ALPK1: variants seen among roughly 807,000 people sequenced by gnomAD.
ALPK1 encodes the protein alpha kinase 1, also known as alpha-protein kinase 1.
Under a neutral mutation model 120.6 loss-of-function variants are expected in ALPK1, and 110 were observed. The observed-to-expected ratio is 0.91, with a 90% CI of 0.78 to 1.07. The LOEUF (loss-of-function observed/expected upper bound fraction) is 1.07, where lower values mean the gene tolerates loss of function less well. ALPK1 is among the 50% of genes least tolerant of loss of function. ALPK1 has a pLI of 0.00. For missense variants in ALPK1, 1,498 were observed against 1,483.9 expected (o/e 1.01, Z -0.16); for synonymous variants, 582 against 560.3 (o/e 1.04, Z -0.55).
At chr4:112,397,332 T>G (rs1732695324) in intron 4 of ALPK1, among the ~76,000 whole-genome samples, 1 of 152,224 alleles carries the variant, frequency 6.6e-6, no homozygotes, top group South Asian at 2.1e-4. Context: ...TTTTATGTAT[T>G]CTGTATGTGA....
At position 112,438,604 on chromosome 4, in the gene ALPK1, C is replaced by T. The variant is rs1560691292; in HGVS notation, c.3309C>T (p.Asn1103=). ...TEFNKRLYEQ[N]IPTQIFYIPS... is the part of the protein sequence containing the mutation. Reference sequence around the variant, plus strand: ...TTAACAAGAGACTCTATGAACAAAACATTCCCACCCAGATATTCTACATCC... The same window carrying T: ...TTAACAAGAGACTCTATGAACAAAATATTCCCACCCAGATATTCTACATCC... The change falls in exon 13 of 16, where the codon AAC becomes AAT. Residue 1103 remains asparagine (N), a synonymous_variant. Transcript: ENST00000650871. 1 of 1,613,842 alleles carries T rather than the reference C, an allele frequency of 6.2e-7. No homozygotes were observed. Among genetic ancestry groups the T allele is most frequent in the Admixed American group, 1.7e-5 (1 of 60,010 alleles).
chr4:112,401,186 C>T (rs1167139209), intron 4 of ALPK1, among the ~76,000 whole-genome samples: 3 of 152,052 alleles, frequency 2.0e-5, no homozygotes, highest in African/African-American at 7.2e-5. Flanking sequence ...TTGGCCTTTG[C>T]TAGAAAAATA....
chr4:112,358,937 G>C, intron 2 of ALPK1: 1 of 769,154 alleles, frequency 1.3e-6, no homozygotes, highest in Non-Finnish European at 2.4e-6. Flanking sequence ...GCCAGCTCCA[G>C]GGCTTCTACC....
Position 112,422,544 on chromosome 4 carries a change from G to T in ALPK1, c.476-1400G>T, listed in dbSNP as rs562149301. On this transcript the variant is annotated intron_variant, in intron 5 of 15. Transcript: ENST00000650871. ...AATTTCTTCACTGCCTTTTGTCTCT[G>T]CAACACCCTTCAAGTCTCCAAAGTT... is the stretch of plus-strand genomic sequence containing the variant. Among the ~76,000 whole-genome samples, 3 of 152,274 alleles carry T rather than the reference G, an allele frequency of 2.0e-5. No individual in the cohort carries two copies. In the South Asian group the frequency reaches 6.2e-4, roughly 32 times the overall value.
intron 2 of ALPK1, among the ~76,000 whole-genome samples, chr4:112,337,134 T>C (rs1333469086): frequency 6.6e-6 from 1 of 152,118 alleles, no homozygotes; most frequent in East Asian, 1.9e-4. Flanking sequence ...TTTACTGACT[T>C]TTTAAACAAC....
chr4:112,362,971 G>A (rs1204990899), intron 2 of ALPK1, among the ~76,000 whole-genome samples: 10 of 152,272 alleles, frequency 6.6e-5, no homozygotes, highest in South Asian at 2.1e-4. Flanking sequence ...CAAAAATTTT[G>A]TATCCAGCAA....
intron 2 of ALPK1, among the ~76,000 whole-genome samples, chr4:112,348,597 C>T (rs561061463): frequency 1.5e-4 from 23 of 152,322 alleles, no homozygotes; most frequent in Admixed American, 9.1e-4. Context: ...GCTGTCTTTG[C>T]GCCTGCAAAG....
Position 112,429,166 on chromosome 4 carries a change from T to C in ALPK1, c.813T>C (p.Phe271=). 6.2e-7 allele frequency: 1 copy of C among 1,613,578 alleles called. No individual in the cohort carries two copies. The highest frequency in any genetic ancestry group is 2.2e-5 in the East Asian group (1 of 44,884). Residue 271 remains phenylalanine, a synonymous_variant, in exon 10 of 16, where the codon TTT becomes TTC. Coordinates refer to ENST00000650871, the MANE Select transcript of ALPK1 (RefSeq NM_025144.4). ...PQINLSLLKE[F]DHHLLSAAEA... ...TCTCACAGAGCCTGCTGAAGGAGTT[T>C]GACCACCATTTGCTGTCCGCTGCAG...
intron 1 of ALPK1, among the ~76,000 whole-genome samples, chr4:112,306,703 C>T (rs569033802): frequency 1.3e-5 from 2 of 151,792 alleles, no homozygotes; most frequent in African/African-American, 4.8e-5. Context: ...AAAACCAGCT[C>T]CTGGATTCAT....
At position 112,377,768 on chromosome 4, in the gene ALPK1, C is replaced by A. The variant is rs780633674; in HGVS notation, c.-10C>A. Reference sequence around the variant, plus strand: ...CTAGACCCAGGGACACCCAATTCATCGTAATCATCATGAATAATCAAAAAG... The same window carrying A: ...CTAGACCCAGGGACACCCAATTCATAGTAATCATCATGAATAATCAAAAAG... On this transcript the variant is annotated 5_prime_UTR_variant, in exon 3 of 16. Coordinates refer to ENST00000650871, the MANE Select transcript of ALPK1 (RefSeq NM_025144.4). 2 of 1,603,102 alleles carry A rather than the reference C, an allele frequency of 1.2e-6. No homozygotes were observed. Among genetic ancestry groups the A allele is most frequent in the South Asian group, 1.1e-5 (1 of 89,638 alleles).
intron 5 of ALPK1, chr4:112,423,642 G>A: frequency 4.0e-6 from 2 of 505,174 alleles, no homozygotes; most frequent in South Asian, 1.6e-5. Context: ...GGCACAGCCT[G>A]TTAGAAAAGT....
chr4:112,308,536 G>A (rs920105303), intron 1 of ALPK1, among the ~76,000 whole-genome samples: 13 of 151,860 alleles, frequency 8.6e-5, no homozygotes, highest in Admixed American at 5.9e-4. Context: ...CCAGTTGATC[G>A]AATCGGCTAC....
chr4:112,324,015 A>G (rs1415155663), intron 2 of ALPK1, among the ~76,000 whole-genome samples: 1 of 152,140 alleles, frequency 6.6e-6, no homozygotes. Context: ...GGGCTTAGGG[A>G]GCCCACTGCT....
chr4:112,300,729 A>C (rs1190642889), intron 1 of ALPK1, among the ~76,000 whole-genome samples: 1 of 151,096 alleles, frequency 6.6e-6, no homozygotes, highest in Non-Finnish European at 1.5e-5. Context: ...GGAAGGGGGA[A>C]TGGAAATTTG....
chr4:112,371,155 G>A (rs1452681055), intron 2 of ALPK1, among the ~76,000 whole-genome samples: 10 of 151,948 alleles, frequency 6.6e-5, no homozygotes, highest in African/African-American at 1.5e-4. Context: ...TAATACTATC[G>A]CTCTGGTCGA....
intron 11 of ALPK1, 138 bp downstream of exon 11, chr4:112,432,719 G>GTA: frequency 1.2e-6 from 1 of 810,002 alleles, no homozygotes; most frequent in Non-Finnish European, 1.9e-6. Context: ...ACAGAGAAAT[G>GTA]TATACTTCAG....
Position 112,435,202 on chromosome 4 carries a change from CTA to C in ALPK1, c.3091_3092del (p.Ile1031CysfsTer39). The C allele has an allele frequency of 1.9e-6, 3 of 1,613,114 alleles. No individual in the cohort carries two copies. Among genetic ancestry groups the C allele is most frequent in the Non-Finnish European group, 2.5e-6 (3 of 1,179,740 alleles). On this transcript the variant is annotated frameshift_variant, in exon 12 of 16. Transcript: ENST00000650871. LOFTEE classifies it high-confidence loss of function. ...TCTGAACTGTGGACGGCCCAGGAAA[CTA>C]TTGTCTATTTGGGGGACTACTTGAC... is the stretch of plus-strand genomic sequence containing the variant.
At chr4:112,437,563 TG>T (rs1008530535) in intron 12 of ALPK1, among the ~76,000 whole-genome samples, 1 of 152,186 alleles carries the variant, frequency 6.6e-6, no homozygotes, top group African/African-American at 2.4e-5. Context: ...CTATAGGTCT[TG>T]CGGTCTCTCC....
chr4:112,382,528 T>G lies in ALPK1; in HGVS notation c.252T>G (p.Ile84Met), dbSNP rs781032660. 1.2e-6 allele frequency: 2 copies of G among 1,614,122 alleles called. No homozygotes were observed. The highest frequency in any genetic ancestry group is 1.1e-5 in the South Asian group (1 of 91,086). ...ACAAAACAAACCTGAAGGATGTGAT[T>G]GGCGCCGGGTTGCAGCAGTTACTGG... Reference protein sequence around the residue: ...PEDKTNLKDVIGAGLQQLLAS... With the variant: ...PEDKTNLKDVMGAGLQQLLAS... The change falls in exon 4 of 16, where the codon ATT (isoleucine) becomes ATG (methionine). Residue 84 changes from isoleucine to methionine, a missense_variant. Ile to Met is a conservative substitution (Grantham distance 10, BLOSUM62 1). Coordinates refer to ENST00000650871, the MANE Select transcript of ALPK1 (RefSeq NM_025144.4).
Sources: gnomAD v4.1 joint callset for allele counts (sites outside exome capture counted in the v4.1 genomes callset) on GRCh38, gnomAD v4.1.1 for gene constraint, MANE v1.5 for transcripts, NCBI Gene and HGNC (gene_info 2026-07-23, HGNC 2026-07-21) for gene names.